Variants in METTL16 observed in about 807,000 individuals in gnomAD.
The protein encoded by METTL16 is RNA N(6)-adenosine-methyltransferase METTL16.
In METTL16, 19 loss-of-function variants were observed where a neutral mutation model predicts 57.9. The ratio of observed to expected loss-of-function variants is 0.33; its 90% CI spans 0.23 to 0.48. METTL16 has a LOEUF of 0.48. Among genes scored for constraint, METTL16 ranks in the 20% least tolerant of loss-of-function variants. The pLI is 0.99. For synonymous variants in METTL16, 246 were observed against 255.6 expected (o/e 0.96, Z 0.36); for missense variants, 434 against 691.5 (o/e 0.63, Z 4.18).
intron 2 of METTL16, among the ~76,000 whole-genome samples, chr17:2,491,190 C>T (rs1367382503): frequency 6.6e-6 from 1 of 152,060 alleles, no homozygotes; most frequent in Non-Finnish European, 1.5e-5. Flanking sequence ...ACAGGGAGGC[C>T]CAGGAACTAA....
intron 2 of METTL16, among the ~76,000 whole-genome samples, chr17:2,498,894 T>C (rs767929026): frequency 6.6e-6 from 1 of 151,524 alleles, no homozygotes; most frequent in African/African-American, 2.4e-5. Context: ...TCCTGTCTCT[T>C]GTCCACTGCA....
At chr17:2,435,510 C>T (rs561318594) in intron 8 of METTL16, among the ~76,000 whole-genome samples, 6 of 152,252 alleles carry the variant, frequency 3.9e-5, no homozygotes, top group South Asian at 2.1e-4. Flanking sequence ...TACCCTGGGA[C>T]GACCCCCTGG....
intron 6 of METTL16, among the ~76,000 whole-genome samples, chr17:2,451,661 A>G (rs1483894937): frequency 6.6e-6 from 1 of 151,910 alleles, no homozygotes; most frequent in East Asian, 1.9e-4. Flanking sequence ...AAGTGTATAA[A>G]TGGATTCATT....
chr17:2,473,090 G>C (rs544859634), intron 4 of METTL16, among the ~76,000 whole-genome samples: 22 of 152,118 alleles, frequency 1.4e-4, no homozygotes, highest in Non-Finnish European at 2.5e-4. Context: ...ATGCGTGTGT[G>C]GGGGCAGGGA....
rs201893707 is a variant in METTL16, at chr17:2,493,126, C to CTT, written c.128+9076_128+9077dup. Among the ~76,000 whole-genome samples, 461 of 138,454 alleles carry CTT rather than the reference C, an allele frequency of 3.3e-3. 1 individual carries two copies. Among genetic ancestry groups the CTT allele is most frequent in the African/African-American group, 9.2e-3 (351 of 38,052 alleles). The allele number at this position is 138,454 out of a possible 152,430, so 90.8% of individuals were successfully genotyped here. A position where few individuals can be genotyped will look rare whatever the true frequency, so the allele number is the denominator to read the frequency against. ...TAGTTGAGTTTATATTTTGGTGATT[C>CTT]TTCTTTTTTTTTTTTTTTTTGAGAC... On this transcript the variant is annotated intron_variant, in intron 2 of 9. Transcript: ENST00000263092.
intron 3 of METTL16, among the ~76,000 whole-genome samples, chr17:2,474,725 AGGCCT>A (rs1424688281): frequency 1.3e-5 from 2 of 152,222 alleles, no homozygotes; most frequent in East Asian, 3.8e-4. Context: ...CAGGAGTTCG[AGGCCT>A]GCCTGGCCAA....
intron 2 of METTL16, among the ~76,000 whole-genome samples, chr17:2,497,557 C>T (rs1304894701): frequency 2.0e-5 from 3 of 151,116 alleles, no homozygotes; most frequent in Admixed American, 6.6e-5. Context: ...AAGCCATTCG[C>T]TGGCCTCTCA....
chr17:2,454,284 G>A (rs1349096430), intron 6 of METTL16, among the ~76,000 whole-genome samples: 1 of 152,024 alleles, frequency 6.6e-6, no homozygotes. Flanking sequence ...TAGAAAAACA[G>A]GAAAGCAGAG....
chr17:2,498,396 G>C (rs966698279), intron 2 of METTL16, among the ~76,000 whole-genome samples: 5 of 150,916 alleles, frequency 3.3e-5, no homozygotes, highest in Admixed American at 3.3e-4. Context: ...TGGTGACAGA[G>C]CAAGACTCTG....
chr17:2,479,235 T>C lies in METTL16; in HGVS notation c.129-1350A>G, dbSNP rs141001488. On this transcript the variant is annotated intron_variant, in intron 2 of 9. Coordinates refer to ENST00000263092, the MANE Select transcript of METTL16 (RefSeq NM_024086.4). ...CAGACTGGAATGCACGGTGTGATCA[T>C]GGCTCACTGCAGCCTCACCCTCCCA... Among the ~76,000 whole-genome samples, 9 of 151,898 alleles carry C rather than the reference T, an allele frequency of 5.9e-5. 1 individual carries two copies. The highest frequency in any genetic ancestry group is 1.9e-4 in the African/African-American group (8 of 41,410).
intron 6 of METTL16, among the ~76,000 whole-genome samples, chr17:2,452,739 GTGTA>G (rs1427963281): frequency 6.6e-6 from 1 of 152,170 alleles, no homozygotes; most frequent in Non-Finnish European, 1.5e-5. Flanking sequence ...TTCATTCTGT[GTGTA>G]TGTGTTTTTT....
chr17:2,420,122 G>C lies in METTL16; in HGVS notation c.1537C>G (p.Gln513Glu). Residue 513 changes from glutamine to glutamate, a missense_variant, in exon 10 of 10, where the codon CAG becomes GAG. Physicochemically the swap from Gln to Glu is conservative, Grantham distance 29. Transcript: ENST00000263092. This position sits in a 1 kb window ranked among gnomAD's most constrained non-coding sequence, Gnocchi z 5.4. ...TTTATCAAACACTTAAACAGGTACT[G>C]TCCGGCCACTCCTGGGAGACGTTTC... The part of the protein sequence containing the change: ...RGKRLPGVAG[Q>E]YLFKCLINVK... 1 of 1,614,236 alleles carries C rather than the reference G, an allele frequency of 6.2e-7. No individual in the cohort carries two copies. Among genetic ancestry groups the C allele is most frequent in the Non-Finnish European group, 8.5e-7 (1 of 1,180,040 alleles).
At position 2,505,870 on chromosome 17, in the gene METTL16, C is replaced by G. The variant is rs557037660; in HGVS notation, c.1-3539G>C. Among the ~76,000 whole-genome samples, 3 of 152,304 alleles carry G rather than the reference C, an allele frequency of 2.0e-5. No homozygotes were observed. The South Asian group carries it at 6.2e-4, about 32-fold the overall frequency. On this transcript the variant is annotated intron_variant, in intron 1 of 9. Transcript: ENST00000263092. ...ACATCACTTCAGCCTACATGCAAGG[C>G]ACTACATGACCTGGCCTTGCCTATC...
At chr17:2,489,120 T>TG (rs1364564465) in intron 2 of METTL16, among the ~76,000 whole-genome samples, 1 of 151,504 alleles carries the variant, frequency 6.6e-6, no homozygotes, top group Admixed American at 6.6e-5. Flanking sequence ...TCTTTTTTTT[T>TG]TATTTTTTTT....
At position 2,445,164 on chromosome 17, in the gene METTL16, AT is replaced by A. The variant is rs1255600288; in HGVS notation, c.729-3606del. On this transcript the variant is annotated intron_variant, in intron 6 of 9. Coordinates refer to ENST00000263092, the MANE Select transcript of METTL16 (RefSeq NM_024086.4). ...CGTGCTCAGCCCATTTTTATCTTTA[AT>A]TTTTACTGTCCCTTTTCTATGTTTG... Among the ~76,000 whole-genome samples the A allele has an allele frequency of 4.6e-5, 7 of 152,094 alleles. No individual in the cohort carries two copies. The East Asian group carries it at 1.4e-3, about 29-fold the overall frequency.
chr17:2,434,272 C>T (rs952887000), intron 8 of METTL16, among the ~76,000 whole-genome samples: 1 of 152,162 alleles, frequency 6.6e-6, no homozygotes, highest in Non-Finnish European at 1.5e-5. Flanking sequence ...GACCTCGGCT[C>T]ACTGTAACCT....
At chr17:2,435,431 GAGGGT>G (rs2066902393) in intron 8 of METTL16, among the ~76,000 whole-genome samples, 2 of 152,118 alleles carry the variant, frequency 1.3e-5, no homozygotes, top group Non-Finnish European at 2.9e-5. Flanking sequence ...TTCAAAAAAC[GAGGGT>G]GGGGAGAGAG....
chr17:2,435,363 G>C (rs1047463522), intron 8 of METTL16, among the ~76,000 whole-genome samples: 3 of 152,132 alleles, frequency 2.0e-5, no homozygotes, highest in Non-Finnish European at 4.4e-5. Context: ...GTCTAAAGCA[G>C]CATCCTCCTC....
At chr17:2,495,826 C>A (rs2067441169) in intron 2 of METTL16, among the ~76,000 whole-genome samples, 1 of 151,094 alleles carries the variant, frequency 6.6e-6, no homozygotes, top group Non-Finnish European at 1.5e-5. Context: ...AAGTGAAGAC[C>A]GGCCGGGCGC....
Sources: allele counts gnomAD v4.1 joint callset (sites outside exome capture counted in the v4.1 genomes callset), GRCh38; gene constraint gnomAD v4.1.1; non-coding constraint Gnocchi (gnomAD v3.1); transcripts MANE v1.5; gene names NCBI Gene and HGNC (gene_info 2026-07-23, HGNC 2026-07-21).